Variants in GRM7 observed in about 807,000 individuals in gnomAD.
The protein encoded by GRM7 is metabotropic glutamate receptor 7.
Under a neutral mutation model 84.5 loss-of-function variants are expected in GRM7, and 35 were observed. That is an observed-to-expected ratio of 0.41 (90% CI 0.32 to 0.55). The LOEUF (loss-of-function observed/expected upper bound fraction) is 0.55. Ranked by LOEUF, GRM7 falls within the 20% of genes least tolerant of loss-of-function variation. The pLI, the probability that GRM7 is intolerant of heterozygous loss-of-function variation, is 0.19. For synonymous variants in GRM7, 487 were observed against 455.1 expected (o/e 1.07, Z -0.89); for missense variants, 1,003 against 1,194.6 (o/e 0.84, Z 2.36).
intron 8 of GRM7, among the ~76,000 whole-genome samples, chr3:7,605,803 A>C (rs1335533531): frequency 6.6e-6 from 1 of 152,198 alleles, no homozygotes; most frequent in Non-Finnish European, 1.5e-5. Context: ...GTTTCTGTAA[A>C]AGGCCAATTA....
intron 9 of GRM7, among the ~76,000 whole-genome samples, chr3:7,737,844 T>C (rs1474211008): frequency 1.9e-5 from 2 of 107,020 alleles, no homozygotes; most frequent in Admixed American, 8.6e-5. Flanking sequence ...ATTCTCCCAA[T>C]TTTTTTTTTT....
chr3:7,003,375 T>A (rs1480167022), intron 1 of GRM7, among the ~76,000 whole-genome samples: 1 of 152,040 alleles, frequency 6.6e-6, no homozygotes, highest in East Asian at 1.9e-4. Flanking sequence ...CAATTAATGT[T>A]TGTCATTTTA....
At chr3:7,387,956 T>C (rs1367639952) in intron 4 of GRM7, among the ~76,000 whole-genome samples, 21 of 152,280 alleles carry the variant, frequency 1.4e-4, no homozygotes. Context: ...GTGTCATCTA[T>C]GATTTCCTTA....
chr3:6,862,747 T>G lies in GRM7; in HGVS notation c.519+840T>G. The stretch of plus-strand genomic sequence containing the variant: ...TCCCCCCCGCCCCCCTCACCCACTA[T>G]CTCCCTGACGCAGACCCCAAGCCAA... On this transcript the variant is annotated intron_variant, in intron 1 of 9. Coordinates refer to ENST00000357716, the MANE Select transcript of GRM7 (RefSeq NM_000844.4). The surrounding 1 kb of genome is among the most constrained non-coding windows in gnomAD (Gnocchi z 5.2). 1 of 274,322 alleles carries G rather than the reference T, an allele frequency of 3.6e-6. No homozygotes were observed. Among genetic ancestry groups the G allele is most frequent in the Non-Finnish European group, 7.2e-6 (1 of 139,034 alleles). 17.0% of individuals were successfully genotyped at this position (274,322 alleles called of 1,614,324 possible). A position where few individuals can be genotyped will look rare whatever the true frequency, so the allele number is the denominator to read the frequency against.
chr3:7,409,177 A>T (rs1485700696), intron 4 of GRM7, among the ~76,000 whole-genome samples: 2 of 152,132 alleles, frequency 1.3e-5, no homozygotes, highest in Non-Finnish European at 2.9e-5. Flanking sequence ...CCTTCCCCCA[A>T]ACTACCAAAC....
intron 7 of GRM7, among the ~76,000 whole-genome samples, chr3:7,492,537 C>A (rs1699559131): frequency 1.3e-5 from 2 of 151,998 alleles, no homozygotes; most frequent in South Asian, 4.2e-4. Flanking sequence ...CTTTTAATGA[C>A]CGCTGAATCT....
chr3:7,671,353 C>T (rs1231927028), intron 8 of GRM7, among the ~76,000 whole-genome samples: 1 of 152,206 alleles, frequency 6.6e-6, no homozygotes, highest in South Asian at 2.1e-4. Flanking sequence ...TCTGATTACA[C>T]TATTTGGGAA....
At chr3:7,018,894 C>T (rs1051245026) in intron 1 of GRM7, among the ~76,000 whole-genome samples, 1 of 152,092 alleles carries the variant, frequency 6.6e-6, no homozygotes, top group African/African-American at 2.4e-5. Flanking sequence ...GTTAGGAGTT[C>T]GAGACCAGCC....
intron 4 of GRM7, among the ~76,000 whole-genome samples, chr3:7,412,603 G>T (rs2125176659): frequency 6.6e-6 from 1 of 152,242 alleles, no homozygotes; most frequent in East Asian, 1.9e-4. Flanking sequence ...GATTGGTGTG[G>T]TCTTCACACC....
At chr3:7,029,529 A>C (rs1696112451) in intron 1 of GRM7, among the ~76,000 whole-genome samples, 1 of 152,180 alleles carries the variant, frequency 6.6e-6, no homozygotes, top group Non-Finnish European at 1.5e-5. Context: ...CTGTCTAAAA[A>C]GGAATGAAAT....
chr3:7,242,680 G>A (rs1697603240), intron 2 of GRM7, among the ~76,000 whole-genome samples: 1 of 152,076 alleles, frequency 6.6e-6, no homozygotes. Context: ...AAAGTTTTGT[G>A]TTATCACAAA....
intron 1 of GRM7, among the ~76,000 whole-genome samples, chr3:6,881,440 C>G (rs1373413877): frequency 1.3e-5 from 2 of 152,118 alleles, no homozygotes; most frequent in Non-Finnish European, 2.9e-5. Context: ...TGTCTTCCAG[C>G]TTTATCCACG....
chr3:7,720,932 T>A (rs1038372366), intron 9 of GRM7, among the ~76,000 whole-genome samples: 1 of 152,190 alleles, frequency 6.6e-6, no homozygotes, highest in South Asian at 2.1e-4. Context: ...CCTTAACCTC[T>A]CTTAGCCTCA....
At chr3:7,669,987 T>C (rs1262730712) in intron 8 of GRM7, among the ~76,000 whole-genome samples, 5 of 147,200 alleles carry the variant, frequency 3.4e-5, no homozygotes, top group Non-Finnish European at 7.4e-5. Context: ...AGGGGCGTAA[T>C]GAGGGGTTTT....
At chr3:7,653,550 C>G (rs996433805) in intron 8 of GRM7, among the ~76,000 whole-genome samples, 2 of 152,182 alleles carry the variant, frequency 1.3e-5, no homozygotes, top group Non-Finnish European at 2.9e-5. Flanking sequence ...CCCTGCCCCT[C>G]AAGTCTCTCC....
intron 1 of GRM7, among the ~76,000 whole-genome samples, chr3:7,091,384 G>C (rs1214022698): frequency 6.6e-6 from 1 of 152,082 alleles, no homozygotes; most frequent in Non-Finnish European, 1.5e-5. Flanking sequence ...TCTACCATTT[G>C]ATATAAGATG....
chr3:7,563,196 T>G (rs1194349500), intron 7 of GRM7, among the ~76,000 whole-genome samples: 4 of 152,100 alleles, frequency 2.6e-5, no homozygotes, highest in African/African-American at 9.7e-5. Flanking sequence ...TTTCAGTGAT[T>G]TAAGGATTTC....
intron 1 of GRM7, among the ~76,000 whole-genome samples, chr3:7,081,691 A>G (rs1041851811): frequency 2.0e-5 from 3 of 152,146 alleles, no homozygotes; most frequent in African/African-American, 7.2e-5. Flanking sequence ...TGTACTAAAC[A>G]GTCTAGTTAT....
In GRM7 at chr3:7,673,799, C is replaced by T. The variant is rs1194054193; in HGVS notation, c.2452-6250C>T. ...CTGACTTCTGCAAGCAGCAGCTTAC[C>T]GTGTTCACCTAGTGTTTCTTGCAGA... On this transcript the variant is annotated intron_variant, in intron 8 of 9. Transcript: ENST00000357716. Among the ~76,000 whole-genome samples the T allele has an allele frequency of 2.6e-5, 4 of 152,182 alleles. No individual in the cohort carries two copies. In the East Asian group the frequency reaches 7.7e-4, roughly 29 times the overall value.
Sources: gnomAD v4.1 joint callset for allele counts (sites outside exome capture counted in the v4.1 genomes callset) on GRCh38, gnomAD v4.1.1 for gene constraint, Gnocchi (gnomAD v3.1) non-coding constraint, MANE v1.5 for transcripts, NCBI Gene and HGNC (gene_info 2026-07-23, HGNC 2026-07-21) for gene names.